SYTL3: variants seen among roughly 807,000 people sequenced by gnomAD.
SYTL3 encodes the protein synaptotagmin-like protein 3.
Under a neutral mutation model 82.1 loss-of-function variants are expected in SYTL3, and 88 were observed. The observed-to-expected ratio is 1.07, with a 90% CI of 0.90 to 1.28. The LOEUF (loss-of-function observed/expected upper bound fraction) is 1.28, where lower values mean the gene tolerates loss of function less well. Among genes scored for constraint, SYTL3 ranks in the 50% most tolerant of loss-of-function variants. The pLI is 0.00. For missense variants in SYTL3, 831 were observed against 757.6 expected (o/e 1.10, Z -1.14); for synonymous variants, 311 against 289.4 (o/e 1.07, Z -0.76).
intron 4 of SYTL3, 118 bp from the exon 5 acceptor site, chr6:158,665,277 G>T: frequency 1.2e-6 from 1 of 852,186 alleles, no homozygotes; most frequent in Non-Finnish European, 1.8e-6. Flanking sequence ...GGAGTCCAGG[G>T]ATGTCGAATG....
intron 11 of SYTL3, chr6:158,725,932 G>C: frequency 1.5e-6 from 1 of 680,804 alleles, no homozygotes; most frequent in Non-Finnish European, 2.8e-6. Context: ...TGCAACTCGC[G>C]TAAACAGATA....
chr6:158,764,266 C>T (rs1000221112), intron 17 of SYTL3, among the ~76,000 whole-genome samples: 2 of 152,210 alleles, frequency 1.3e-5, no homozygotes, highest in Non-Finnish European at 2.9e-5. Context: ...AACTACAGAA[C>T]TCCAGGCTGT....
chr6:158,659,129 G>A (rs1454547948), intron 2 of SYTL3, among the ~76,000 whole-genome samples: 3 of 152,122 alleles, frequency 2.0e-5, no homozygotes, highest in Admixed American at 1.3e-4. Flanking sequence ...GGATGAATGC[G>A]GAATACACAT....
Position 158,726,433 on chromosome 6 carries a change from G to T in SYTL3, c.855+796G>T, listed in dbSNP as rs375529255. On this transcript the variant is annotated intron_variant, in intron 11 of 17. Transcript: ENST00000611299. ...AACAGGAACCAGTTCTAGGAGGTTT[G>T]CTCTCAAGCCGTAGAATTATGCCTC... 20 of 194,310 alleles carry T rather than the reference G, an allele frequency of 1.0e-4. 1 individual carries two copies. The East Asian group carries it at 2.5e-3, about 24-fold the overall frequency. 12.0% of individuals were successfully genotyped at this position (194,310 alleles called of 1,614,324 possible).
intron 5 of SYTL3, among the ~76,000 whole-genome samples, chr6:158,675,832 C>T (rs1777969595): frequency 6.6e-6 from 1 of 152,102 alleles, no homozygotes; most frequent in Non-Finnish European, 1.5e-5. Flanking sequence ...CACCTGTAGT[C>T]CCAGCTGCTC....
At chr6:158,694,118 T>C (rs1291612914) in intron 6 of SYTL3, among the ~76,000 whole-genome samples, 5 of 152,102 alleles carry the variant, frequency 3.3e-5, no homozygotes, top group Non-Finnish European at 7.4e-5. Context: ...TCCCAGCAGA[T>C]TGGATTGCTT....
intron 5 of SYTL3, among the ~76,000 whole-genome samples, chr6:158,680,250 T>C (rs1778509485): frequency 6.6e-6 from 1 of 152,194 alleles, no homozygotes; most frequent in Non-Finnish European, 1.5e-5. Context: ...TATGTTCTGC[T>C]TCCCACAAGT....
intron 10 of SYTL3, among the ~76,000 whole-genome samples, chr6:158,718,512 G>T (rs1783684060): frequency 6.6e-6 from 1 of 152,202 alleles, no homozygotes; most frequent in African/African-American, 2.4e-5. Flanking sequence ...CTGCGCCAAA[G>T]CCCAAGGGCT....
chr6:158,645,262 C>G (rs1344581772), upstream of SYTL3, among the ~76,000 whole-genome samples: 1 of 151,828 alleles, frequency 6.6e-6, no homozygotes, highest in African/African-American at 2.4e-5. Context: ...CTTTAAGCAC[C>G]ATTAAAAAAA....
At chr6:158,647,496 G>A (rs1204934400), upstream of SYTL3, among the ~76,000 whole-genome samples, 1 of 152,118 alleles carries the variant, frequency 6.6e-6, no homozygotes, top group Non-Finnish European at 1.5e-5. Context: ...TCTTTTAAAC[G>A]GATATATCTG....
intron 5 of SYTL3, among the ~76,000 whole-genome samples, chr6:158,674,744 A>G (rs534077923): frequency 6.6e-6 from 1 of 152,354 alleles, no homozygotes; most frequent in Admixed American, 6.5e-5. Context: ...GTTATCTGAT[A>G]TAACAGACCA....
intron 10 of SYTL3, among the ~76,000 whole-genome samples, chr6:158,720,183 C>A (rs7758511): frequency 0.27 from 41,652 of 151,890 alleles, 6,694 homozygotes; most frequent in African/African-American, 0.44. Context: ...GGGTGGATCA[C>A]CTGAGTTCAG....
intron 9 of SYTL3, among the ~76,000 whole-genome samples, chr6:158,717,600 A>T (rs1562416603): frequency 6.6e-6 from 1 of 152,018 alleles, no homozygotes. Flanking sequence ...TCATCTTTCC[A>T]GGGTTTGTTT....
At chr6:158,739,813 C>T (rs1209574340) in intron 11 of SYTL3, among the ~76,000 whole-genome samples, 1 of 152,032 alleles carries the variant, frequency 6.6e-6, no homozygotes, top group Non-Finnish European at 1.5e-5. Flanking sequence ...TGGTATTTGG[C>T]CCTGTATGTC....
chr6:158,735,066 C>G (rs1265118511), intron 11 of SYTL3, among the ~76,000 whole-genome samples: 2 of 152,120 alleles, frequency 1.3e-5, no homozygotes, highest in Non-Finnish European at 2.9e-5. Flanking sequence ...GCGTTTTGTA[C>G]TCTTACATTG....
At chr6:158,670,948 G>T (rs189188274) in intron 5 of SYTL3, among the ~76,000 whole-genome samples, 1 of 151,376 alleles carries the variant, frequency 6.6e-6, no homozygotes, top group Non-Finnish European at 1.5e-5. Flanking sequence ...GACTACAGGC[G>T]CCCACCACCA....
chr6:158,727,105 C>T (rs1043865961), intron 11 of SYTL3, among the ~76,000 whole-genome samples: 3 of 152,076 alleles, frequency 2.0e-5, no homozygotes, highest in African/African-American at 7.2e-5. Flanking sequence ...GTGCCTCGGC[C>T]TCCCAAAGTG....
At chr6:158,669,944 C>T in intron 5 of SYTL3, among the ~76,000 whole-genome samples, 1 of 152,090 alleles carries the variant, frequency 6.6e-6, no homozygotes, top group East Asian at 1.9e-4. Context: ...TCTGAAACAA[C>T]TTAAAAAGGT....
chr6:158,757,400 C>T lies in SYTL3; in HGVS notation c.1308+19C>T, dbSNP rs1789273871. ...GGCCAAGGTGATGTCTGGTTTTGGA[C>T]TGAGTGCCCTCCATCCCCACTGTGA... On this transcript the variant is annotated intron_variant, in intron 14 of 17. Transcript: ENST00000611299. 6.2e-7 allele frequency: 1 copy of T among 1,612,014 alleles called. No individual in the cohort carries two copies. Among genetic ancestry groups the T allele is most frequent in the Non-Finnish European group, 8.5e-7 (1 of 1,178,844 alleles).
Sources: gnomAD v4.1 joint callset for allele counts (sites outside exome capture counted in the v4.1 genomes callset) on GRCh38, gnomAD v4.1.1 for gene constraint, MANE v1.5 for transcripts, NCBI Gene and HGNC (gene_info 2026-07-23, HGNC 2026-07-21) for gene names.